Variants in GRB2 observed in about 807,000 individuals in gnomAD.
GRB2 encodes growth factor receptor bound protein 2.
Under a neutral mutation model 27.4 loss-of-function variants are expected in GRB2, and 2 were observed. The ratio of observed to expected loss-of-function variants is 0.07; its 90% CI spans 0.03 to 0.23. The LOEUF (loss-of-function observed/expected upper bound fraction) is 0.23, where lower values mean the gene tolerates loss of function less well. Ranked by LOEUF, GRB2 falls within the 10% of genes least tolerant of loss-of-function variation. The pLI is 1.00. For synonymous variants in GRB2, 94 were observed against 99.6 expected (o/e 0.94, Z 0.33); for missense variants, 102 against 282.4 (o/e 0.36, Z 4.58).
intron 2 of GRB2, among the ~76,000 whole-genome samples, chr17:75,351,300 G>A (rs1017354046): frequency 1.5e-4 from 23 of 152,234 alleles, no homozygotes; most frequent in African/African-American, 5.5e-4. Context: ...CACACAGGAT[G>A]AGACATCAAA....
intron 2 of GRB2, among the ~76,000 whole-genome samples, chr17:75,349,875 T>C (rs1163120269): frequency 1.3e-5 from 2 of 152,106 alleles, no homozygotes; most frequent in East Asian, 1.9e-4. Flanking sequence ...GATGATCATA[T>C]TGGCAAAGAT....
intron 3 of GRB2, 24 bp from the exon 4 acceptor site, chr17:75,326,044 C>A: frequency 6.2e-7 from 1 of 1,613,648 alleles, no homozygotes; most frequent in South Asian, 1.1e-5. Flanking sequence ...GCAAGCTGGT[C>A]AACATCTGCT....
intron 4 of GRB2, 149 bp downstream of exon 4, chr17:75,325,749 G>C: frequency 1.2e-6 from 1 of 837,676 alleles, no homozygotes; most frequent in South Asian, 1.6e-5. Context: ...TTTGAGAGGA[G>C]CCAGAAATTA....
intron 3 of GRB2, chr17:75,326,379 G>T: frequency 4.1e-6 from 1 of 246,592 alleles, no homozygotes; most frequent in Middle Eastern, 1.5e-3. Context: ...CTTGGTGTAC[G>T]GGATGAACTG....
intron 2 of GRB2, among the ~76,000 whole-genome samples, chr17:75,379,644 C>T (rs2078915262): frequency 6.6e-6 from 1 of 152,158 alleles, no homozygotes; most frequent in East Asian, 1.9e-4. Context: ...AAGTGGTCCT[C>T]CCACTTCAGC....
chr17:75,384,577 G>C (rs1011719284), intron 2 of GRB2, among the ~76,000 whole-genome samples: 9 of 152,288 alleles, frequency 5.9e-5, no homozygotes, highest in East Asian at 1.9e-4. Flanking sequence ...GGCTAAGGCA[G>C]GAGAATCGCT....
intron 3 of GRB2, among the ~76,000 whole-genome samples, chr17:75,331,723 T>G (rs1012041779): frequency 6.6e-6 from 1 of 152,198 alleles, no homozygotes; most frequent in Non-Finnish European, 1.5e-5. Flanking sequence ...CAAGGAATAT[T>G]TGACAGGATT....
At chr17:75,339,512 T>C (rs2078606097) in intron 2 of GRB2, among the ~76,000 whole-genome samples, 1 of 152,052 alleles carries the variant, frequency 6.6e-6, no homozygotes, top group Non-Finnish European at 1.5e-5. Flanking sequence ...GAAGGGGACA[T>C]GAAGGAACTC....
At chr17:75,337,549 ATT>A (rs2078585920) in intron 2 of GRB2, among the ~76,000 whole-genome samples, 2 of 149,602 alleles carry the variant, frequency 1.3e-5, no homozygotes, top group Admixed American at 1.4e-4. Flanking sequence ...TTCACAAATA[ATT>A]TTTATTTTAT....
intron 2 of GRB2, chr17:75,387,743 A>G (rs2078973765): frequency 6.6e-6 from 1 of 152,100 alleles, no homozygotes; most frequent in Non-Finnish European, 1.5e-5. Context: ...GGTTGCAGCA[A>G]GCCAAGATCG....
At chr17:75,381,723 AAAAAAAAAAAAG>A (rs1303774539) in intron 2 of GRB2, among the ~76,000 whole-genome samples, 9 of 144,786 alleles carry the variant, frequency 6.2e-5, no homozygotes, top group African/African-American at 1.8e-4. Context: ...TCCGTCTCAA[AAAAAAAAAAAAG>A]AAAAAAAAAA....
At chr17:75,372,345 A>T (rs917528869) in intron 2 of GRB2, 1 of 152,266 alleles carries the variant, frequency 6.6e-6, no homozygotes, top group Non-Finnish European at 1.5e-5. Context: ...AGGAAAGGGA[A>T]CAGTGCAGAC....
chr17:75,322,163 G>A (rs1392207666), intron 4 of GRB2, among the ~76,000 whole-genome samples: 1 of 152,046 alleles, frequency 6.6e-6, no homozygotes, highest in Non-Finnish European at 1.5e-5. Flanking sequence ...ACCTGAGGTC[G>A]GGAGTTCGAG....
chr17:75,320,127 G>A lies in GRB2; in HGVS notation c.*241C>T, dbSNP rs1401814187. The stretch of plus-strand genomic sequence containing the variant: ...AAAAAAAGACAAAGGAGGGGAAAGA[G>A]GAGCAGCAGTGAAAATTTGTAATAA... On this transcript the variant is annotated 3_prime_UTR_variant, in exon 6 of 6. Transcript: ENST00000316804. The surrounding 1 kb of genome is among the most constrained non-coding windows in gnomAD (Gnocchi z 4.3). The A allele has an allele frequency of 2.2e-6, 1 of 444,890 alleles. No individual in the cohort carries two copies. Among genetic ancestry groups the A allele is most frequent in the Non-Finnish European group, 4.1e-6 (1 of 243,856 alleles). The allele number at this position is 444,890 out of a possible 1,614,324, so 27.6% of individuals were successfully genotyped here. A position where few individuals can be genotyped will look rare whatever the true frequency, so the allele number is the denominator to read the frequency against.
At chr17:75,382,338 G>A (rs1351518062) in intron 2 of GRB2, among the ~76,000 whole-genome samples, 4 of 151,934 alleles carry the variant, frequency 2.6e-5, no homozygotes, top group African/African-American at 7.3e-5. Flanking sequence ...CTGTTAAAAC[G>A]AAGAAAAAAA....
chr17:75,387,256 G>A (rs1283593301), intron 2 of GRB2, among the ~76,000 whole-genome samples: 2 of 151,824 alleles, frequency 1.3e-5, no homozygotes, highest in African/African-American at 4.8e-5. Context: ...CCAGGAGTTC[G>A]AGACTAACCT....
At chr17:75,356,208 A>G (rs1290995222) in intron 2 of GRB2, among the ~76,000 whole-genome samples, 2 of 152,020 alleles carry the variant, frequency 1.3e-5, no homozygotes, top group East Asian at 3.9e-4. Flanking sequence ...TTCAATATAC[A>G]TATTATTACC....
At chr17:75,391,856 AGTTTT>A (rs2079001124) in intron 2 of GRB2, among the ~76,000 whole-genome samples, 3 of 151,764 alleles carry the variant, frequency 2.0e-5, no homozygotes, top group Non-Finnish European at 2.9e-5. Flanking sequence ...GCATGCCCCT[AGTTTT>A]GTTTTAATTT....
At chr17:75,324,893 T>C (rs2078488359) in intron 4 of GRB2, among the ~76,000 whole-genome samples, 1 of 152,016 alleles carries the variant, frequency 6.6e-6, no homozygotes, top group Non-Finnish European at 1.5e-5. Flanking sequence ...CTGGCCAATA[T>C]GGCAAAACCC....
Sources: gnomAD v4.1 joint callset for allele counts (sites outside exome capture counted in the v4.1 genomes callset) on GRCh38, gnomAD v4.1.1 for gene constraint, Gnocchi (gnomAD v3.1) non-coding constraint, MANE v1.5 for transcripts, NCBI Gene and HGNC (gene_info 2026-07-23, HGNC 2026-07-21) for gene names.